FARP1: variants seen among roughly 807,000 people sequenced by gnomAD.
The protein encoded by FARP1 is FERM, ARHGEF and pleckstrin domain-containing protein 1.
FARP1 carries 52 observed loss-of-function variants against 128.8 expected under a neutral mutation model. That is an observed-to-expected ratio of 0.40 (90% CI 0.32 to 0.51). The LOEUF is 0.51. Among genes scored for constraint, FARP1 ranks in the 20% least tolerant of loss-of-function variants. The pLI is 0.45. For synonymous variants in FARP1, 580 were observed against 551.8 expected (o/e 1.05, Z -0.72); for missense variants, 1,333 against 1,367.9 (o/e 0.97, Z 0.40).
At chr13:98,151,177 A>G (rs139550345) in intron 1 of FARP1, among the ~76,000 whole-genome samples, 1,739 of 152,226 alleles carry the variant, frequency 0.011, 17 homozygotes, top group Non-Finnish European at 0.016. Context: ...TCACATTCAC[A>G]TAACTTTTAT....
Position 98,241,016 on chromosome 13 carries a change from G to A in FARP1, c.171+27603G>A, listed in dbSNP as rs1395843444. On this transcript the variant is annotated intron_variant, in intron 2 of 26. Coordinates refer to ENST00000319562, the MANE Select transcript of FARP1 (RefSeq NM_005766.4). The stretch of plus-strand genomic sequence containing the variant: ...AAGGAAGGCAGAAGGCAGAATCCCC[G>A]CCCTAGCGAAGATTCGAATCCAGCA... Among the ~76,000 whole-genome samples, 6 of 152,336 alleles carry A rather than the reference G, an allele frequency of 3.9e-5. No individual in the cohort carries two copies. In the South Asian group the frequency reaches 6.2e-4, roughly 16 times the overall value.
intron 6 of FARP1, among the ~76,000 whole-genome samples, chr13:98,379,758 C>A (rs1372786901): frequency 6.6e-6 from 1 of 152,090 alleles, no homozygotes; most frequent in Non-Finnish European, 1.5e-5. Context: ...TATGTAGTTA[C>A]ATTGTATTAT....
intron 5 of FARP1, 42 bp downstream of exon 5, chr13:98,368,237 A>G (rs1172809560): frequency 7.3e-7 from 1 of 1,361,074 alleles, no homozygotes; most frequent in Non-Finnish European, 1.0e-6. Context: ...TACAGAGTAC[A>G]GAGGAAAAGA....
At chr13:98,306,294 C>A (rs1886151596) in intron 2 of FARP1, among the ~76,000 whole-genome samples, 1 of 152,156 alleles carries the variant, frequency 6.6e-6, no homozygotes, top group Non-Finnish European at 1.5e-5. Flanking sequence ...ATTGCCTGAC[C>A]CACTCTAGTA....
At position 98,452,885 on chromosome 13, in the gene FARP1, A is replaced by T. The variant is rs1199140690; in HGVS notation, c.*4568A>T. ...TCAGGGTTTGTTTTTGTTTTTAAAG[A>T]CACTTTCCTGGAATATGTGCACTAT... On this transcript the variant is annotated 3_prime_UTR_variant, in exon 27 of 27. Transcript: ENST00000319562. The T allele has an allele frequency of 6.0e-6, 2 of 333,186 alleles. No homozygotes were observed. The highest frequency in any genetic ancestry group is 1.7e-4 in the South Asian group (2 of 11,942). 20.6% of individuals were successfully genotyped at this position (333,186 alleles called of 1,614,324 possible). A position where few individuals can be genotyped will look rare whatever the true frequency, so the allele number is the denominator to read the frequency against.
intron 4 of FARP1, among the ~76,000 whole-genome samples, chr13:98,366,801 TG>T (rs1267190069): frequency 6.6e-6 from 1 of 152,222 alleles, no homozygotes; most frequent in African/African-American, 2.4e-5. Flanking sequence ...AGAATTGACA[TG>T]TAAGAGTTTG....
intron 2 of FARP1, chr13:98,332,282 T>G (rs1264422717): frequency 6.6e-6 from 1 of 151,594 alleles, no homozygotes; most frequent in Admixed American, 6.6e-5. Context: ...TTCTCCTTTC[T>G]GTGTCTGTTG....
intron 18 of FARP1, chr13:98,434,623 CACCCAAGCTTGTATT>C (rs1190925538): frequency 1.3e-5 from 2 of 152,206 alleles, no homozygotes; most frequent in African/African-American, 4.8e-5. Context: ...ACTTGCGTGC[CACCCAAGCTTGTATT>C]AATCAGGCAC....
intron 2 of FARP1, among the ~76,000 whole-genome samples, chr13:98,255,007 G>A (rs1228235595): frequency 3.3e-5 from 5 of 151,846 alleles, no homozygotes; most frequent in Non-Finnish European, 7.4e-5. Context: ...ACTTGTAGGA[G>A]CAATTTGTGA....
intron 1 of FARP1, among the ~76,000 whole-genome samples, chr13:98,181,627 T>TGAGAGAGAGAG (rs1410176235): frequency 2.7e-4 from 28 of 104,242 alleles, no homozygotes; most frequent in African/African-American, 1.1e-3. Context: ...TTTATTTATT[T>TGAGAGAGAGAG]ATTTATTTAT....
At chr13:98,343,636 G>A (rs1267992513) in intron 2 of FARP1, 126 bp from the exon 3 acceptor site, 5 of 699,050 alleles carry the variant, frequency 7.2e-6, no homozygotes, top group Non-Finnish European at 1.3e-5. Context: ...TGTCACGGAG[G>A]TGGGCGGTGG....
At chr13:98,409,315 T>C (rs768274944) in intron 13 of FARP1, 23 bp from the exon 14 acceptor site, 7 of 1,553,456 alleles carry the variant, frequency 4.5e-6, no homozygotes, top group Non-Finnish European at 6.1e-6. Context: ...TTTTTTTCTT[T>C]AAAACTTCTC....
intron 17 of FARP1, among the ~76,000 whole-genome samples, chr13:98,426,091 C>A (rs902685126): frequency 2.0e-5 from 3 of 152,162 alleles, no homozygotes; most frequent in Non-Finnish European, 2.9e-5. Flanking sequence ...AACTGAGCAC[C>A]TACTATACAC....
chr13:98,380,660 A>G, intron 6 of FARP1, among the ~76,000 whole-genome samples: 1 of 151,774 alleles, frequency 6.6e-6, no homozygotes, highest in East Asian at 1.9e-4. Flanking sequence ...TGCAGCCTCG[A>G]CCTCCTGGAA....
chr13:98,360,695 T>C (rs1888836136), intron 3 of FARP1, among the ~76,000 whole-genome samples: 1 of 152,210 alleles, frequency 6.6e-6, no homozygotes, highest in South Asian at 2.1e-4. Context: ...CTTCAAACCC[T>C]GGCAGAGGCG....
intron 2 of FARP1, among the ~76,000 whole-genome samples, chr13:98,262,748 C>G (rs1335547554): frequency 2.6e-5 from 4 of 152,032 alleles, no homozygotes; most frequent in Non-Finnish European, 5.9e-5. Flanking sequence ...AAAATTAAAG[C>G]AATGGAAATA....
chr13:98,234,481 T>C (rs1882308824), intron 2 of FARP1: 1 of 152,220 alleles, frequency 6.6e-6, no homozygotes, highest in South Asian at 2.1e-4. Context: ...AAAGAACATA[T>C]TGCTTCAGCT....
intron 3 of FARP1, among the ~76,000 whole-genome samples, chr13:98,362,559 G>A (rs1299308346): frequency 6.6e-6 from 1 of 152,152 alleles, no homozygotes; most frequent in African/African-American, 2.4e-5. Flanking sequence ...GCTGTCCATG[G>A]TGGACATATT....
intron 1 of FARP1, among the ~76,000 whole-genome samples, chr13:98,161,059 AG>A (rs1266104774): frequency 6.6e-6 from 1 of 152,154 alleles, no homozygotes; most frequent in Non-Finnish European, 1.5e-5. Flanking sequence ...AACAGAAGTT[AG>A]AATTCCCCTA....
Sources: gnomAD v4.1 joint callset for allele counts (sites outside exome capture counted in the v4.1 genomes callset) on GRCh38, gnomAD v4.1.1 for gene constraint, MANE v1.5 for transcripts, NCBI Gene and HGNC (gene_info 2026-07-23, HGNC 2026-07-21) for gene names.